The following SIM1 variants were observed in gnomAD, a reference collection of about 807,000 sequenced individuals.
The protein encoded by SIM1 is single-minded homolog 1.
In SIM1, 18 loss-of-function variants were observed where a neutral mutation model predicts 78.2. That is an observed-to-expected ratio of 0.23 (90% CI 0.16 to 0.34). The LOEUF is 0.34. Ranked by LOEUF, SIM1 falls within the 10% of genes least tolerant of loss-of-function variation. The pLI, the probability that SIM1 is intolerant of heterozygous loss-of-function variation, is 1.00. For synonymous variants in SIM1, 417 were observed against 385.2 expected, an observed-to-expected ratio of 1.08 and a Z score of -0.97; for missense variants, 939 against 975.1, an observed-to-expected ratio of 0.96 and a Z score of 0.49.
intron 9 of SIM1, among the ~76,000 whole-genome samples, chr6:100,429,795 C>G (rs944088685): frequency 2.2e-4 from 33 of 152,080 alleles, no homozygotes; most frequent in African/African-American, 8.0e-4. Flanking sequence ...CATATTAAAA[C>G]TTTCTTTACA....
rs919084868 is a variant in SIM1, at chr6:100,433,053, C to A, written c.999-12095G>T. On this transcript the variant is annotated intron_variant, in intron 9 of 11. Transcript: ENST00000369208. ...CTTCAAAACATATGCCAAATCTGAC[C>A]CCTCACCACTACCCCATCTTTCAAG... Among the ~76,000 whole-genome samples the A allele has an allele frequency of 6.6e-5, 10 of 152,034 alleles. No individual in the cohort carries two copies. The East Asian group carries it at 9.6e-4, about 15-fold the overall frequency.
chr6:100,390,618 T>G lies in SIM1; in HGVS notation c.2044A>C (p.Ile682Leu). The G allele has an allele frequency of 6.2e-7, 1 of 1,614,220 alleles. No individual in the cohort carries two copies. Among genetic ancestry groups the G allele is most frequent in the Non-Finnish European group, 8.5e-7 (1 of 1,180,044 alleles). ...TCTCCTGCTGTCTGATGAGGAGATA[T>G]ATCCGAATGCAGATAGTCTTTAGCT... is the stretch of plus-strand genomic sequence containing the variant. ...ILAKDYLHSD[I>L]SPHQTAGDHP... is the part of the protein sequence containing the mutation. Residue 682 changes from isoleucine (I) to leucine (L), a missense_variant, in exon 12 of 12, where the codon ATA (isoleucine) becomes CTA (leucine). By Grantham distance (5) the Ile-to-Leu change is conservative (BLOSUM62 2). This residue lies in a region of SIM1 where 556 missense variants were observed against 521.9 expected (regional missense o/e 1.07). Transcript: ENST00000369208.
At chr6:100,448,278 G>T in intron 7 of SIM1, 26 bp from the exon 8 acceptor site, 1 of 1,567,056 alleles carries the variant, frequency 6.4e-7, no homozygotes, top group South Asian at 1.1e-5. Flanking sequence ...CCTGCAGGAT[G>T]AATGCAGGCG....
chr6:100,417,488 C>G (rs900837789), intron 10 of SIM1, among the ~76,000 whole-genome samples: 2 of 152,120 alleles, frequency 1.3e-5, no homozygotes, highest in African/African-American at 4.8e-5. Context: ...GTCAAAAACA[C>G]ATAATAGCAA....
At chr6:100,455,364 C>T (rs1316354231) in intron 2 of SIM1, among the ~76,000 whole-genome samples, 1 of 152,232 alleles carries the variant, frequency 6.6e-6, no homozygotes, top group Non-Finnish European at 1.5e-5. Context: ...AGTGACTCCA[C>T]TGCCCTGGTC....
intron 9 of SIM1, among the ~76,000 whole-genome samples, chr6:100,435,815 T>C (rs1772030740): frequency 6.6e-6 from 1 of 152,162 alleles, no homozygotes; most frequent in African/African-American, 2.4e-5. Flanking sequence ...AAATCCCATC[T>C]GCAGCAGGAC....
chr6:100,420,978 A>G lies in SIM1; in HGVS notation c.999-20T>C. On this transcript the variant is annotated intron_variant, in intron 9 of 11. Transcript: ENST00000369208. ...GTGTCTCTGCAGGGTGGGAGGACAA[A>G]GCCCTTAATCAGCCACCATAGGAAA... is the stretch of plus-strand genomic sequence containing the variant. The G allele has an allele frequency of 1.2e-6, 2 of 1,608,488 alleles. No homozygotes were observed. The highest frequency in any genetic ancestry group is 2.2e-5 in the South Asian group (2 of 90,102).
Position 100,448,596 on chromosome 6 carries a change from C to A in SIM1, c.626G>T (p.Gly209Val), listed in dbSNP as rs1240895820. ...SPFDGCYQNV[G>V]LVAVGHSLPP... ...CAGCGAGTGGCCCACGGCCACCAGGCCCACGTTTTGGTAGCAGCCGTCGAA... is the reference window on the plus strand; with the variant it reads ...CAGCGAGTGGCCCACGGCCACCAGGACCACGTTTTGGTAGCAGCCGTCGAA... The change falls in exon 7 of 12, where the codon GGC becomes GTC. Residue 209 changes from glycine to valine, a missense_variant. This residue lies in a region of SIM1 where 187 missense variants were observed against 191.6 expected (regional missense o/e 0.98). Coordinates refer to ENST00000369208, the MANE Select transcript of SIM1 (RefSeq NM_005068.3). The A allele has an allele frequency of 6.2e-7, 1 of 1,614,094 alleles. No homozygotes were observed. Among genetic ancestry groups the A allele is most frequent in the African/African-American group, 1.3e-5 (1 of 75,038 alleles).
intron 9 of SIM1, among the ~76,000 whole-genome samples, chr6:100,427,712 C>T (rs1771770502): frequency 6.6e-6 from 1 of 152,214 alleles, no homozygotes; most frequent in African/African-American, 2.4e-5. Flanking sequence ...CATCACACTA[C>T]ATCTAAATTT....
intron 10 of SIM1, among the ~76,000 whole-genome samples, chr6:100,411,044 A>C (rs560183750): frequency 3.3e-5 from 5 of 152,360 alleles, no homozygotes; most frequent in Middle Eastern, 3.4e-3. Context: ...ACACTATTAA[A>C]GATGTAGAAC....
At chr6:100,453,896 A>AG (rs768628293) in intron 2 of SIM1, 52 bp from the exon 3 acceptor site, 2 of 1,416,994 alleles carry the variant, frequency 1.4e-6, no homozygotes, top group Admixed American at 3.8e-5. Flanking sequence ...CCTGACAGGC[A>AG]GTTTGGGACC....
In SIM1 at chr6:100,450,342, G is replaced by A. The variant is rs760065559; in HGVS notation, c.273C>T (p.Phe91=). 2 of 1,614,086 alleles carry A rather than the reference G, an allele frequency of 1.2e-6. No individual in the cohort carries two copies. Among genetic ancestry groups the A allele is most frequent in the South Asian group, 2.2e-5 (2 of 91,080 alleles). Residue 91 remains phenylalanine, a synonymous_variant, in exon 4 of 12, where the codon TTC becomes TTT. Transcript: ENST00000369208. Reference sequence around the variant, plus strand: ...TCCCATCTGGGGCTACCACGAAGATGAAGCCATCCAGGGTCTGGGGAGGCA... The same window carrying A: ...TCCCATCTGGGGCTACCACGAAGATAAAGCCATCCAGGGTCTGGGGAGGCA... ...GSHLLQTLDG[F]IFVVAPDGKI...
At position 100,385,600 on chromosome 6, in the gene SIM1, C is replaced by G. The variant is rs1201810667; in HGVS notation, c.*4761G>C. ...TCCCATGCAGCAAAGTTGCAATAAA[C>G]AAAACTACAAATGTTTGGTTTAAAA... is the stretch of plus-strand genomic sequence containing the variant. On this transcript the variant is annotated 3_prime_UTR_variant, in exon 12 of 12. Transcript: ENST00000369208. The G allele has an allele frequency of 2.0e-5, 3 of 150,518 alleles. No individual in the cohort carries two copies. Among genetic ancestry groups the G allele is most frequent in the African/African-American group, 7.4e-5 (3 of 40,790 alleles). The allele number at this position is 150,518 out of a possible 1,614,324, so 9.3% of individuals were successfully genotyped here.
intron 10 of SIM1, among the ~76,000 whole-genome samples, chr6:100,417,762 T>C (rs1450641230): frequency 6.6e-6 from 1 of 152,190 alleles, no homozygotes. Context: ...CCACCCAGGA[T>C]AGCATGTTCC....
chr6:100,454,435 A>G (rs144620795), intron 2 of SIM1, among the ~76,000 whole-genome samples: 7 of 152,246 alleles, frequency 4.6e-5, no homozygotes, highest in African/African-American at 1.7e-4. Context: ...GACGTTTACC[A>G]GCATCCCTGT....
chr6:100,441,251 A>C (rs920739068), intron 9 of SIM1, among the ~76,000 whole-genome samples: 48 of 152,302 alleles, frequency 3.2e-4, no homozygotes, highest in African/African-American at 1.1e-3. Flanking sequence ...AAGTAGTTGG[A>C]TAGTGGCAGT....
intron 10 of SIM1, among the ~76,000 whole-genome samples, chr6:100,394,849 A>G (rs1452429123): frequency 6.6e-6 from 1 of 152,190 alleles, no homozygotes; most frequent in African/African-American, 2.4e-5. Context: ...CGCTTACCTA[A>G]TTCAACTGCA....
intron 10 of SIM1, among the ~76,000 whole-genome samples, chr6:100,400,255 C>G (rs1770876813): frequency 6.6e-6 from 1 of 151,598 alleles, no homozygotes; most frequent in South Asian, 2.1e-4. Flanking sequence ...GAAAACCAAT[C>G]AGTTAAATTG....
At position 100,390,073 on chromosome 6, in the gene SIM1, T is replaced by C. The variant is rs1208519691; in HGVS notation, c.*288A>G. The C allele has an allele frequency of 4.1e-6, 2 of 489,786 alleles. No homozygotes were observed. Among genetic ancestry groups the C allele is most frequent in the Admixed American group, 3.8e-5 (1 of 26,602 alleles). 30.3% of individuals were successfully genotyped at this position (489,786 alleles called of 1,614,324 possible). ...CATTCATCAGTCCTCTCATGTAGTA[T>C]ATATGCACACTTGATCTACATGAAT... On this transcript the variant is annotated 3_prime_UTR_variant, in exon 12 of 12. Transcript: ENST00000369208.
Sources: allele counts gnomAD v4.1 joint callset (sites outside exome capture counted in the v4.1 genomes callset), GRCh38; gene constraint gnomAD v4.1.1; regional missense constraint gnomAD v4.1.1; transcripts MANE v1.5; gene names NCBI Gene and HGNC (gene_info 2026-07-23, HGNC 2026-07-21).